CFAP221: variants seen among roughly 807,000 people sequenced by gnomAD.
CFAP221 encodes the protein cilia and flagella associated protein 221.
In CFAP221, 97 loss-of-function variants were observed where a neutral mutation model predicts 113.1. The ratio of observed to expected loss-of-function variants is 0.86; its 90% CI spans 0.73 to 1.02. The LOEUF (loss-of-function observed/expected upper bound fraction) is 1.02. Ranked by LOEUF, CFAP221 falls within the 50% of genes least tolerant of loss-of-function variation. The pLI is 0.00. For synonymous variants in CFAP221, 331 were observed against 354.4 expected (o/e 0.93, Z 0.74); for missense variants, 1,025 against 1,013.4 (o/e 1.01, Z -0.16).
intron 6 of CFAP221, among the ~76,000 whole-genome samples, chr2:119,583,125 C>T (rs1682960249): frequency 6.6e-6 from 1 of 151,712 alleles, no homozygotes; most frequent in South Asian, 2.1e-4. Context: ...GTATGTATAC[C>T]AAGCAAATTT....
Position 119,627,802 on chromosome 2 carries a change from C to T in CFAP221, c.1650+16C>T. The T allele has an allele frequency of 6.2e-7, 1 of 1,612,946 alleles. No homozygotes were observed. Among genetic ancestry groups the T allele is most frequent in the Non-Finnish European group, 8.5e-7 (1 of 1,179,452 alleles). On this transcript the variant is annotated intron_variant, in intron 16 of 23. Transcript: ENST00000413369. ...CAACGAGTTGGTAGGTGCCGTCAGG[C>T]TTGGGGGCGGGGAGTGGACATGATC...
intron 6 of CFAP221, among the ~76,000 whole-genome samples, 152 bp downstream of exon 6, chr2:119,562,266 A>AAAAAG (rs56170601): frequency 7.4e-6 from 1 of 135,900 alleles, no homozygotes; most frequent in African/African-American, 2.8e-5. Context: ...AAAAAAAAAA[A>AAAAAG]GCAAAAGCAA....
At chr2:119,647,625 T>C (rs536859855) in intron 22 of CFAP221, among the ~76,000 whole-genome samples, 1 of 152,216 alleles carries the variant, frequency 6.6e-6, no homozygotes, top group Non-Finnish European at 1.5e-5. Context: ...AGCTCACACG[T>C]GTACGTCCAG....
intron 4 of CFAP221, 47 bp downstream of exon 4, chr2:119,559,822 G>A (rs1266539979): frequency 1.5e-5 from 22 of 1,484,534 alleles, no homozygotes; most frequent in African/African-American, 5.6e-5. Context: ...GGTTGTCTGC[G>A]TCTCAGGCCT....
intron 14 of CFAP221, among the ~76,000 whole-genome samples, chr2:119,622,735 A>G (rs906380158): frequency 2.6e-5 from 4 of 152,234 alleles, no homozygotes; most frequent in Non-Finnish European, 5.9e-5. Context: ...AATAAACATA[A>G]TCCATCACAT....
intron 14 of CFAP221, among the ~76,000 whole-genome samples, chr2:119,616,278 TACTTC>T (rs967977133): frequency 1.3e-5 from 2 of 152,250 alleles, no homozygotes; most frequent in Non-Finnish European, 2.9e-5. Context: ...CATGTATCAA[TACTTC>T]ATTCTTTTTA....
rs564950940 is a variant in CFAP221, at chr2:119,551,951, G to A, written c.240+2766G>A. Among the ~76,000 whole-genome samples, 5 of 152,086 alleles carry A rather than the reference G, an allele frequency of 3.3e-5. 1 individual carries two copies. In the South Asian group the frequency reaches 1.0e-3, roughly 32 times the overall value. On this transcript the variant is annotated intron_variant, in intron 3 of 23. Coordinates refer to ENST00000413369, the MANE Select transcript of CFAP221 (RefSeq NM_001271049.2). ...CACCTGTGTGGGTTCTGAAGAGGAGGGCTCACCTTCCTTAAAATAGACTTT... is the reference window on the plus strand; with the variant it reads ...CACCTGTGTGGGTTCTGAAGAGGAGAGCTCACCTTCCTTAAAATAGACTTT...
chr2:119,615,149 A>T (rs577944556), intron 13 of CFAP221, among the ~76,000 whole-genome samples: 43 of 152,262 alleles, frequency 2.8e-4, no homozygotes, highest in Non-Finnish European at 5.7e-4. Flanking sequence ...TTTCCTCCTT[A>T]TTCATTTACT....
At chr2:119,611,529 A>G (rs17660087) in intron 12 of CFAP221, 124 bp from the exon 13 acceptor site, 96,157 of 710,838 alleles carry the variant, frequency 0.14, 6,655 homozygotes, top group African/African-American at 0.15. Flanking sequence ...GTGTTTCACC[A>G]CTTCCAATGG....
At chr2:119,570,492 C>A (rs189010594) in intron 6 of CFAP221, among the ~76,000 whole-genome samples, 1 of 152,162 alleles carries the variant, frequency 6.6e-6, no homozygotes, top group African/African-American at 2.4e-5. Context: ...TTTTATAACC[C>A]CCCCAAAAAA....
chr2:119,566,725 T>C (rs934679263), intron 6 of CFAP221, among the ~76,000 whole-genome samples: 10 of 152,192 alleles, frequency 6.6e-5, no homozygotes. Context: ...TGGTCTTTCC[T>C]ACCCGCACAC....
At chr2:119,612,539 A>G (rs1292364503) in intron 13 of CFAP221, among the ~76,000 whole-genome samples, 6 of 152,206 alleles carry the variant, frequency 3.9e-5, no homozygotes, top group Admixed American at 6.5e-5. Context: ...AGTTATCTCT[A>G]CCTGGTCACT....
In CFAP221 at chr2:119,630,688, C is replaced by A. The variant is rs1466047007; in HGVS notation, c.1839+11C>A. 6.2e-7 allele frequency: 1 copy of A among 1,607,190 alleles called. No individual in the cohort carries two copies. Among genetic ancestry groups the A allele is most frequent in the East Asian group, 2.2e-5 (1 of 44,846 alleles). ...AAGCAAGGAGCTGAGGTAACACACC[C>A]CCATCTTCCAGAATCTCTCTCATCT... On this transcript the variant is annotated intron_variant, in intron 18 of 23. Transcript: ENST00000413369.
At chr2:119,612,356 G>T (rs1685235846) in intron 13 of CFAP221, among the ~76,000 whole-genome samples, 1 of 152,214 alleles carries the variant, frequency 6.6e-6, no homozygotes, top group Non-Finnish European at 1.5e-5. Flanking sequence ...GAAGCCTCAG[G>T]AAACGTACAA....
chr2:119,622,525 A>G (rs1183645529), intron 14 of CFAP221, among the ~76,000 whole-genome samples: 5 of 152,272 alleles, frequency 3.3e-5, no homozygotes, highest in Non-Finnish European at 7.3e-5. Context: ...TTATGAGGAC[A>G]GCATCATCCT....
chr2:119,563,789 C>A (rs1681427985), intron 6 of CFAP221, among the ~76,000 whole-genome samples: 1 of 152,216 alleles, frequency 6.6e-6, no homozygotes, highest in African/African-American at 2.4e-5. Flanking sequence ...ATCAATTAAT[C>A]ACTCCAGTTG....
At chr2:119,635,895 C>T (rs1465927248) in intron 19 of CFAP221, among the ~76,000 whole-genome samples, 2 of 151,790 alleles carry the variant, frequency 1.3e-5, no homozygotes, top group Non-Finnish European at 2.9e-5. Context: ...TTGAGAGTCT[C>T]GAAGACTCAA....
intron 7 of CFAP221, among the ~76,000 whole-genome samples, chr2:119,595,208 C>T (rs995101125): frequency 6.6e-6 from 1 of 152,240 alleles, no homozygotes; most frequent in Admixed American, 6.5e-5. Flanking sequence ...ATCTCTGTCC[C>T]TGCTCAAGGC....
intron 6 of CFAP221, among the ~76,000 whole-genome samples, chr2:119,563,255 T>C (rs967226923): frequency 6.6e-6 from 1 of 152,226 alleles, no homozygotes; most frequent in Non-Finnish European, 1.5e-5. Context: ...GCTAATACAA[T>C]GTAAACACTA....
Sources: gnomAD v4.1 joint callset for allele counts (sites outside exome capture counted in the v4.1 genomes callset) on GRCh38, gnomAD v4.1.1 for gene constraint, MANE v1.5 for transcripts, NCBI Gene and HGNC (gene_info 2026-07-23, HGNC 2026-07-21) for gene names.